Variants in MCTP1 observed in about 807,000 individuals in gnomAD.
MCTP1 encodes the protein multiple C2 and transmembrane domain-containing protein 1.
Under a neutral mutation model 120.6 loss-of-function variants are expected in MCTP1, and 69 were observed. The ratio of observed to expected loss-of-function variants is 0.57; its 90% CI spans 0.47 to 0.70. The LOEUF (loss-of-function observed/expected upper bound fraction) is 0.70, where lower values mean the gene tolerates loss of function less well. Among genes scored for constraint, MCTP1 ranks in the 30% least tolerant of loss-of-function variants. The probability of loss-of-function intolerance (pLI) is 0.00; values close to 1 mark genes in which losing one functional copy is unlikely to be tolerated. For synonymous variants in MCTP1, 529 were observed against 493.1 expected, an observed-to-expected ratio of 1.07 and a Z score of -0.96; for missense variants, 1,203 against 1,248.8, an observed-to-expected ratio of 0.96 and a Z score of 0.55.
In MCTP1 at chr5:94,829,125, G is replaced by C. The variant is rs548103339; in HGVS notation, c.2437-29993C>G. On this transcript the variant is annotated intron_variant, in intron 17 of 22. Transcript: ENST00000515393. The stretch of plus-strand genomic sequence containing the variant: ...GGCACCTGAGGGAACCTCCTGATCT[G>C]TGGGTTGTGAAGACCACGGGAAAAG... 3.9e-5 allele frequency among the ~76,000 whole-genome samples: 6 copies of C among 152,346 alleles called. No individual in the cohort carries two copies. In the East Asian group the frequency reaches 1.2e-3, roughly 29 times the overall value.
At chr5:95,228,800 G>C (rs893118083) in intron 1 of MCTP1, among the ~76,000 whole-genome samples, 1 of 152,106 alleles carries the variant, frequency 6.6e-6, no homozygotes, top group Non-Finnish European at 1.5e-5. Flanking sequence ...GCACCTCCCC[G>C]CAACTCTCTC....
At chr5:94,783,121 T>A (rs570224981) in intron 18 of MCTP1, among the ~76,000 whole-genome samples, 5 of 152,230 alleles carry the variant, frequency 3.3e-5, no homozygotes, top group African/African-American at 9.6e-5. Context: ...AAGAAACTGA[T>A]TCTTGGTACT....
intron 1 of MCTP1, among the ~76,000 whole-genome samples, chr5:95,161,194 G>A (rs902556128): frequency 6.6e-6 from 1 of 152,090 alleles, no homozygotes; most frequent in Non-Finnish European, 1.5e-5. Flanking sequence ...AGCAACCTAG[G>A]TGTCCATCAT....
chr5:95,187,447 T>G (rs1449260230), intron 1 of MCTP1, among the ~76,000 whole-genome samples: 1 of 152,180 alleles, frequency 6.6e-6, no homozygotes, highest in Non-Finnish European at 1.5e-5. Flanking sequence ...TTGCCCAGGA[T>G]GGAGTGCGGT....
intron 1 of MCTP1, among the ~76,000 whole-genome samples, chr5:95,236,327 A>G (rs1755541465): frequency 6.6e-6 from 1 of 152,250 alleles, no homozygotes; most frequent in South Asian, 2.1e-4. Flanking sequence ...GATAGGGAAT[A>G]TATATGCACA....
At chr5:94,899,490 C>T (rs909471239) in intron 10 of MCTP1, among the ~76,000 whole-genome samples, 5 of 152,316 alleles carry the variant, frequency 3.3e-5, no homozygotes, top group African/African-American at 9.6e-5. Context: ...CAGGCCTAGC[C>T]GCCATATACT....
At chr5:95,240,869 A>G (rs1029223528) in intron 1 of MCTP1, among the ~76,000 whole-genome samples, 13 of 151,848 alleles carry the variant, frequency 8.6e-5, no homozygotes, top group African/African-American at 2.9e-4. Flanking sequence ...GACTAGTTAA[A>G]TCCTCGTATT....
intron 2 of MCTP1, among the ~76,000 whole-genome samples, chr5:94,992,474 C>A (rs1474375187): frequency 2.6e-5 from 4 of 152,282 alleles, no homozygotes; most frequent in Admixed American, 2.0e-4. Flanking sequence ...TGACACCAGA[C>A]CTGTGCTGTA....
At chr5:95,206,473 A>C (rs1751630376) in intron 1 of MCTP1, among the ~76,000 whole-genome samples, 3 of 152,150 alleles carry the variant, frequency 2.0e-5, no homozygotes, top group Admixed American at 2.0e-4. Context: ...AAAAATTAAG[A>C]ATCTCTGGAG....
In MCTP1 at chr5:95,219,468, T is replaced by C. The variant is rs186382653; in HGVS notation, c.720+64388A>G. Reference sequence around the variant, plus strand: ...TAAAAGAAAAACATTAGGTAAATAATAAAGTCATGTGTATCTATGAGGCTA... The same window carrying C: ...TAAAAGAAAAACATTAGGTAAATAACAAAGTCATGTGTATCTATGAGGCTA... On this transcript the variant is annotated intron_variant, in intron 1 of 22. Transcript: ENST00000515393. Among the ~76,000 whole-genome samples, 6 of 151,222 alleles carry C rather than the reference T, an allele frequency of 4.0e-5. No individual in the cohort carries two copies. The East Asian group carries it at 1.2e-3, about 29-fold the overall frequency.
rs1362807341 is a variant in MCTP1 at position 95,058,835 on chromosome 5, C to T, written c.721-41351G>A. On this transcript the variant is annotated intron_variant, in intron 1 of 22. Coordinates refer to ENST00000515393, the MANE Select transcript of MCTP1 (RefSeq NM_024717.7). ...AGGGGACAAAAAGAGCGATGATATGCTCTAGGGTTTGACATTCTCTTTTTA... is the reference window on the plus strand; with the variant it reads ...AGGGGACAAAAAGAGCGATGATATGTTCTAGGGTTTGACATTCTCTTTTTA... Among the ~76,000 whole-genome samples the T allele has an allele frequency of 2.0e-5, 3 of 152,094 alleles. No homozygotes were observed. In the East Asian group the frequency reaches 5.8e-4, roughly 29 times the overall value.
At chr5:94,875,472 C>T (rs1298877319) in intron 12 of MCTP1, among the ~76,000 whole-genome samples, 2 of 151,918 alleles carry the variant, frequency 1.3e-5, no homozygotes, top group Non-Finnish European at 2.9e-5. Flanking sequence ...CTTTAACTCT[C>T]ATTAATGGGG....
chr5:95,232,171 A>C (rs1273304577), intron 1 of MCTP1, among the ~76,000 whole-genome samples: 33 of 151,612 alleles, frequency 2.2e-4, no homozygotes, highest in Non-Finnish European at 4.4e-4. Flanking sequence ...AAAAAAAAAA[A>C]AAAAAACAGT....
At chr5:94,894,369 T>C (rs1803394573) in intron 11 of MCTP1, among the ~76,000 whole-genome samples, 1 of 152,234 alleles carries the variant, frequency 6.6e-6, no homozygotes, top group Non-Finnish European at 1.5e-5. Context: ...GGCCTTCCTA[T>C]ATGGGTAGCA....
intron 12 of MCTP1, among the ~76,000 whole-genome samples, chr5:94,888,141 C>A (rs1446775834): frequency 6.6e-6 from 1 of 152,034 alleles, no homozygotes; most frequent in African/African-American, 2.4e-5. Flanking sequence ...TATAAGCATC[C>A]CCCAAATCCT....
chr5:94,997,107 G>A (rs915453542), intron 2 of MCTP1, among the ~76,000 whole-genome samples: 1 of 152,038 alleles, frequency 6.6e-6, no homozygotes, highest in Non-Finnish European at 1.5e-5. Flanking sequence ...AATTGAATGG[G>A]AAGTACAGAA....
At chr5:95,277,014 A>G (rs1043938988) in intron 1 of MCTP1, among the ~76,000 whole-genome samples, 43 of 152,224 alleles carry the variant, frequency 2.8e-4, no homozygotes, top group African/African-American at 7.0e-4. Context: ...AAGGAGAAGT[A>G]GCAGTGAAGA....
Position 94,912,466 on chromosome 5 carries a change from A to AAAAAAG in MCTP1, c.1521+339_1521+340insCTTTTT, listed in dbSNP as rs1211529200. On this transcript the variant is annotated intron_variant, in intron 9 of 22. Transcript: ENST00000515393. ...AAAAAAAAAAAAAAAAAAAAAAAAA[A>AAAAAAG]GCCGCACTCTGAGTACTTTATGTGC... Among the ~76,000 whole-genome samples, 10 of 92,098 alleles carry AAAAAAG rather than the reference A, an allele frequency of 1.1e-4. 3 individuals carry two copies. Among genetic ancestry groups the AAAAAAG allele is most frequent in the Non-Finnish European group, 1.6e-4 (7 of 42,804 alleles). 60.4% of individuals were successfully genotyped at this position (92,098 alleles called of 152,430 possible).
At chr5:94,737,877 C>T (rs1386936819) in intron 19 of MCTP1, among the ~76,000 whole-genome samples, 2 of 152,172 alleles carry the variant, frequency 1.3e-5, no homozygotes, top group African/African-American at 4.8e-5. Context: ...CGGGGTTTCA[C>T]CATGTTGCCC....
Sources: allele counts gnomAD v4.1 joint callset (sites outside exome capture counted in the v4.1 genomes callset), GRCh38; gene constraint gnomAD v4.1.1; transcripts MANE v1.5; gene names NCBI Gene and HGNC (gene_info 2026-07-23, HGNC 2026-07-21).